STRADA: variants seen among roughly 807,000 people sequenced by gnomAD.
STRADA encodes the protein STE20-related kinase adapter protein alpha.
In STRADA, 26 loss-of-function variants were observed where a neutral mutation model predicts 55.0. The ratio of observed to expected loss-of-function variants is 0.47; its 90% CI spans 0.35 to 0.66. The LOEUF is 0.66. Ranked by LOEUF, STRADA falls within the 30% of genes least tolerant of loss-of-function variation. STRADA has a pLI of 0.01. For synonymous variants in STRADA, 197 were observed against 210.9 expected (o/e 0.93, Z 0.57); for missense variants, 443 against 549.7 (o/e 0.81, Z 1.94).
intron 4 of STRADA, among the ~76,000 whole-genome samples, chr17:63,720,360 T>C (rs2037213546): frequency 6.6e-6 from 1 of 151,856 alleles, no homozygotes; most frequent in Admixed American, 6.6e-5. Flanking sequence ...TTTTTAGAGA[T>C]GGGGTCTCAC....
intron 8 of STRADA, among the ~76,000 whole-genome samples, chr17:63,708,916 C>T (rs2036301196): frequency 6.6e-6 from 1 of 152,224 alleles, no homozygotes; most frequent in African/African-American, 2.4e-5. Flanking sequence ...CCTAGGGGTA[C>T]TGTGTTCCGC....
chr17:63,703,965 C>CAGTACT, intron 12 of STRADA, 40 bp downstream of exon 12: 1 of 1,360,762 alleles, frequency 7.3e-7, no homozygotes, highest in Non-Finnish European at 1.0e-6. Flanking sequence ...TTGTTAGAAC[C>CAGTACT]AGAACTAGAA....
rs754413346 is a variant in STRADA, at chr17:63,704,443, C to A, written c.998G>T (p.Arg333Leu). 29 of 1,610,206 alleles carry A rather than the reference C, an allele frequency of 1.8e-5. No individual in the cohort carries two copies. The highest frequency in any genetic ancestry group is 2.7e-5 in the African/African-American group (2 of 74,436). ...LSDSLTTSTP[R>L]PSNGDSPSHP... Reference sequence around the variant, plus strand: ...GGAGGGCGAGTCACCGTTGGAGGGCCGGGGGGTGCTGGTGGTCAGGCTGTC... The same window carrying A: ...GGAGGGCGAGTCACCGTTGGAGGGCAGGGGGGTGCTGGTGGTCAGGCTGTC... Residue 333 changes from arginine to leucine, a missense_variant, in exon 11 of 13, where the codon CGG becomes CTG. Arg to Leu is a moderately radical substitution (Grantham distance 102). Coordinates refer to ENST00000336174, the MANE Select transcript of STRADA (RefSeq NM_001003787.4).
chr17:63,734,371 G>A (rs1208474762), intron 1 of STRADA, among the ~76,000 whole-genome samples: 1 of 152,180 alleles, frequency 6.6e-6, no homozygotes, highest in Non-Finnish European at 1.5e-5. Flanking sequence ...GGTTGGGCAC[G>A]GTGGCTCATA....
At chr17:63,736,677 C>G (rs1652011184) in intron 1 of STRADA, among the ~76,000 whole-genome samples, 1 of 151,234 alleles carries the variant, frequency 6.6e-6, no homozygotes, top group Admixed American at 6.6e-5. Flanking sequence ...AGAGATATCT[C>G]AAGATGATAG....
Position 63,710,508 on chromosome 17 carries a change from G to A in STRADA, c.564C>T (p.His188=), listed in dbSNP as rs1228260132. The A allele has an allele frequency of 1.4e-5, 23 of 1,613,736 alleles. No individual in the cohort carries two copies. The highest frequency in any genetic ancestry group is 1.9e-5 in the Non-Finnish European group (23 of 1,179,874). The part of the protein sequence containing the change: ...GVLKALDYIH[H]MGYVHRSVKA... ...GAACGCACCTGTGTACATATCCCAT[G>A]TGGTGGATGTAGTCGAGGGCCTTCA... Residue 188 remains histidine (H), a synonymous_variant, in exon 8 of 13, where the codon CAC becomes CAT. Transcript: ENST00000336174.
chr17:63,725,270 A>G (rs1416096869), intron 3 of STRADA, among the ~76,000 whole-genome samples: 1 of 152,054 alleles, frequency 6.6e-6, no homozygotes, highest in Non-Finnish European at 1.5e-5. Context: ...GACCAAAAAA[A>G]CCTATCTGGG....
Position 63,703,644 on chromosome 17 carries a change from C to T in STRADA, c.1251G>A (p.Leu417=), listed in dbSNP as rs1232924328. ...QSQDHSGIFG[L]VTNLEELEVD... ...CCTCCAGCTCTTCCAGGTTTGTTAC[C>T]AGGCCAAAGATTCCACTGTGGTCCT... Residue 417 remains leucine (L), a synonymous_variant, in exon 13 of 13, where the codon CTG becomes CTA. Transcript: ENST00000336174. 6.2e-7 allele frequency: 1 copy of T among 1,614,214 alleles called. No individual in the cohort carries two copies. Among genetic ancestry groups the T allele is most frequent in the Non-Finnish European group, 8.5e-7 (1 of 1,180,032 alleles).
At chr17:63,729,083 T>C (rs1490004275) in intron 1 of STRADA, among the ~76,000 whole-genome samples, 1 of 152,150 alleles carries the variant, frequency 6.6e-6, no homozygotes, top group Non-Finnish European at 1.5e-5. Context: ...AGGGTCTCTC[T>C]ATGTGGCCCA....
intron 9 of STRADA, 43 bp downstream of exon 9, chr17:63,707,204 T>A (rs567322815): frequency 6.2e-7 from 1 of 1,605,138 alleles, no homozygotes; most frequent in Admixed American, 1.7e-5. Context: ...CCCTTGGGAA[T>A]CATGAGTTGG....
In STRADA at chr17:63,726,682, T is replaced by TC; in HGVS notation, c.49dup (p.Glu17GlyfsTer6). 6.2e-7 allele frequency: 1 copy of TC among 1,614,092 alleles called. No homozygotes were observed. Among genetic ancestry groups the TC allele is most frequent in the Non-Finnish European group, 8.5e-7 (1 of 1,179,988 alleles). ...TCTTAAGCCCTCAACAATGAACTTTTCCGAGACCCACCGCTAAAGAGGAAA... is the reference window on the plus strand; with the variant it reads ...TCTTAAGCCCTCAACAATGAACTTTTCCCGAGACCCACCGCTAAAGAGGAAA... On this transcript the variant is annotated frameshift_variant, in exon 3 of 13. Transcript: ENST00000336174. LOFTEE classifies it high-confidence loss of function.
chr17:63,720,374 G>A (rs1272701656), intron 4 of STRADA, among the ~76,000 whole-genome samples: 1 of 151,956 alleles, frequency 6.6e-6, no homozygotes, highest in African/African-American at 2.4e-5. Context: ...GTCTCACTAT[G>A]TTGCCCAGGC....
chr17:63,730,584 C>G (rs1328511802), intron 1 of STRADA, among the ~76,000 whole-genome samples: 1 of 151,438 alleles, frequency 6.6e-6, no homozygotes, highest in East Asian at 1.9e-4. Context: ...TAGAGACGGG[C>G]TTTGCATTGT....
At chr17:63,710,972 A>G (rs2036462159) in intron 6 of STRADA, 136 bp from the exon 7 acceptor site, 3 of 737,762 alleles carry the variant, frequency 4.1e-6, no homozygotes, top group Admixed American at 5.4e-5. Flanking sequence ...CAGCCTAAGC[A>G]GGTGCCTGCC....
At chr17:63,723,162 A>G in intron 4 of STRADA, 136 bp downstream of exon 4, 1 of 1,116,536 alleles carries the variant, frequency 9.0e-7, no homozygotes, top group South Asian at 1.4e-5. Context: ...CCACAAGTAC[A>G]AAAATCACAC....
At position 63,707,333 on chromosome 17, in the gene STRADA, G is replaced by C. The variant is rs1231348037; in HGVS notation, c.667C>G (p.His223Asp). The change falls in exon 9 of 13, where the codon CAT becomes GAT. Residue 223 changes from histidine (H) to aspartate (D), a missense_variant. Coordinates refer to ENST00000336174, the MANE Select transcript of STRADA (RefSeq NM_001003787.4). ...GLRSNLSMIS[H>D]GQRQRVVHDF... is the part of the protein sequence containing the mutation. ...TGGACCACTCGCTGCCGCTGCCCAT[G>C]GCTTATCATGCTGAGGTTGCTGCGC... The C allele has an allele frequency of 5.6e-6, 9 of 1,614,182 alleles. No homozygotes were observed. Among genetic ancestry groups the C allele is most frequent in the Non-Finnish European group, 7.6e-6 (9 of 1,180,044 alleles).
At position 63,710,564 on chromosome 17, in the gene STRADA, G is replaced by C. The variant is rs61734984; in HGVS notation, c.508C>G (p.Leu170Val). Residue 170 changes from leucine (L) to valine (V), a missense_variant, in exon 8 of 13, where the codon CTG becomes GTG. Coordinates refer to ENST00000336174, the MANE Select transcript of STRADA (RefSeq NM_001003787.4). ...CCCTGCAGGATGTAAGCAATCGCCA[G>C]CTCATTCATGCCATCCATGAAGTGT... ...CTHFMDGMNE[L>V]AIAYILQGVL... The C allele has an allele frequency of 6.9e-4, 1,120 of 1,614,006 alleles. 7 individuals carry two copies. The African/African-American group carries it at 0.013, about 18-fold the overall frequency.
At position 63,707,323 on chromosome 17, in the gene STRADA, C is replaced by T. The variant is rs765852114; in HGVS notation, c.677G>A (p.Arg226Gln). Residue 226 changes from arginine (R) to glutamine (Q), a missense_variant, in exon 9 of 13, where the codon CGG (arginine) becomes CAG (glutamine). Physicochemically the swap from Arg to Gln is conservative, Grantham distance 43 (BLOSUM62 1). Transcript: ENST00000336174. ...SNLSMISHGQRQRVVHDFPKY... is the reference protein window; with the variant it reads ...SNLSMISHGQQQRVVHDFPKY... ...GGGAAAATCGTGGACCACTCGCTGC[C>T]GCTGCCCATGGCTTATCATGCTGAG... 18 of 1,614,156 alleles carry T rather than the reference C, an allele frequency of 1.1e-5. No homozygotes were observed. The highest frequency in any genetic ancestry group is 4.5e-5 in the East Asian group (2 of 44,876).
chr17:63,723,464 C>G (rs1034229034), intron 3 of STRADA, 138 bp from the exon 4 acceptor site: 3 of 884,980 alleles, frequency 3.4e-6, no homozygotes, highest in African/African-American at 3.3e-5. Flanking sequence ...AAAGTGCCTG[C>G]GGGGCTACAT....
Sources: gnomAD v4.1 joint callset for allele counts (sites outside exome capture counted in the v4.1 genomes callset) on GRCh38, gnomAD v4.1.1 for gene constraint, MANE v1.5 for transcripts, NCBI Gene and HGNC (gene_info 2026-07-23, HGNC 2026-07-21) for gene names.